Variants in HCK observed in about 807,000 individuals in gnomAD.
HCK encodes HCK proto-oncogene, Src family tyrosine kinase, also known as tyrosine-protein kinase HCK.
HCK carries 40 observed loss-of-function variants against 70.4 expected under a neutral mutation model. That is an observed-to-expected ratio of 0.57 (90% CI 0.44 to 0.74). The LOEUF (loss-of-function observed/expected upper bound fraction) is 0.74, where lower values mean the gene tolerates loss of function less well. HCK is among the 30% of genes least tolerant of loss of function. The pLI, the probability that HCK is intolerant of heterozygous loss-of-function variation, is 0.00. For missense variants in HCK, 568 were observed against 697.2 expected (o/e 0.81, Z 2.09); for synonymous variants, 245 against 263.2 (o/e 0.93, Z 0.67).
At chr20:32,054,928 A>C (rs1053000648) in intron 1 of HCK, among the ~76,000 whole-genome samples, 3 of 152,240 alleles carry the variant, frequency 2.0e-5, no homozygotes, top group African/African-American at 7.2e-5. Flanking sequence ...ACCCAGGATG[A>C]GAAATAGAAA....
intron 11 of HCK, among the ~76,000 whole-genome samples, chr20:32,094,777 GA>G (rs1600744866): frequency 9.7e-6 from 1 of 102,614 alleles, no homozygotes; most frequent in South Asian, 3.2e-4. Context: ...AAGAAAGAAA[GA>G]GAGAGAAAGA....
intron 2 of HCK, chr20:32,072,563 T>TAAAAAAAAAAAAAAA (rs199684278): frequency 9.5e-5 from 6 of 63,204 alleles, no homozygotes; most frequent in African/African-American, 2.9e-4. Flanking sequence ...CCTGTCTCTT[T>TAAAAAAAAAAAAAAA]AAAAAAAAAA....
intron 12 of HCK, among the ~76,000 whole-genome samples, chr20:32,099,350 C>CTTTTTTTTTTTTTTTTTTTTTTTTTTTT (rs71336559): frequency 2.3e-5 from 2 of 85,134 alleles, no homozygotes; most frequent in African/African-American, 1.3e-4. Flanking sequence ...ACTCCTATGA[C>CTTTTTTTTTTTTTTTTTTTTTTTTTTTT]TTTTTTTTTT....
intron 9 of HCK, among the ~76,000 whole-genome samples, chr20:32,087,759 A>G (rs1349184239): frequency 6.6e-6 from 1 of 151,942 alleles, no homozygotes; most frequent in Non-Finnish European, 1.5e-5. Context: ...CTCCTGCCTC[A>G]GCCTCCCAAG....
Position 32,073,798 on chromosome 20 carries a change from C to G in HCK, c.309C>G (p.Asp103Glu). Residue 103 changes from aspartate (D) to glutamate (E), a missense_variant, in exon 4 of 13, where the codon GAC becomes GAG. Around this residue, in one of 4 missense-constraint regions of HCK, gnomAD observed 318 missense variants for 336.0 expected, o/e 0.95. Coordinates refer to ENST00000375852, the MANE Select transcript of HCK (RefSeq NM_002110.5). ...AAGACCTCAGCTTCCAGAAGGGGGACCAGATGGTGGTCCTAGAGGAGTGAG... is the reference window on the plus strand; with the variant it reads ...AAGACCTCAGCTTCCAGAAGGGGGAGCAGATGGTGGTCCTAGAGGAGTGAG... 6.4e-7 allele frequency: 1 copy of G among 1,552,836 alleles called. No homozygotes were observed. The highest frequency in any genetic ancestry group is 8.7e-7 in the Non-Finnish European group (1 of 1,146,970).
intron 3 of HCK, 72 bp from the exon 4 acceptor site, chr20:32,073,644 C>T: frequency 9.9e-7 from 1 of 1,012,032 alleles, no homozygotes; most frequent in South Asian, 1.4e-5. Context: ...GTTCCAGGTG[C>T]CGGGTGAGGG....
chr20:32,088,726 T>A, intron 10 of HCK, 82 bp downstream of exon 10: 1 of 957,658 alleles, frequency 1.0e-6, no homozygotes, highest in Non-Finnish European at 1.7e-6. Context: ...CCACATACTA[T>A]GATGATAGCA....
Position 32,081,186 on chromosome 20 carries a change from G to A in HCK, c.532+1309G>A, listed in dbSNP as rs545081328. Among the ~76,000 whole-genome samples the A allele has an allele frequency of 3.3e-5, 5 of 152,266 alleles. No individual in the cohort carries two copies. In the South Asian group the frequency reaches 1.0e-3, roughly 32 times the overall value. On this transcript the variant is annotated intron_variant, in intron 6 of 12. Transcript: ENST00000375852. ...TAAGGAAATGAGGTAGGATGAGGTC[G>A]CCAGAAGAGACTCAAGCCAGCCTTC... is the stretch of plus-strand genomic sequence containing the variant.
chr20:32,066,840 C>T (rs1015231156), intron 1 of HCK, among the ~76,000 whole-genome samples: 2 of 152,112 alleles, frequency 1.3e-5, no homozygotes, highest in Non-Finnish European at 2.9e-5. Flanking sequence ...TCTTTCCCTT[C>T]TATATGGTGT....
chr20:32,094,757 GAAAGAAGGAAAGAAAGAA>G (rs1569009854), intron 11 of HCK, among the ~76,000 whole-genome samples: 2 of 124,526 alleles, frequency 1.6e-5, no homozygotes, highest in Non-Finnish European at 3.5e-5. Flanking sequence ...AAGAAAGAAA[GAAAGAAGGAAAGAAAGAA>G]AGAGAGAGAA....
At chr20:32,091,302 T>TGCGTGGTCCCAAGCAGGTCC in intron 10 of HCK, among the ~76,000 whole-genome samples, 1 of 152,322 alleles carries the variant, frequency 6.6e-6, no homozygotes, top group East Asian at 1.9e-4. Flanking sequence ...AAGTAACAGG[T>TGCGTGGTCCCAAGCAGGTCC]AAGTGCGTGG....
At chr20:32,062,574 G>A (rs985761039) in intron 1 of HCK, among the ~76,000 whole-genome samples, 1 of 152,174 alleles carries the variant, frequency 6.6e-6, no homozygotes, top group Admixed American at 6.5e-5. Flanking sequence ...GCTCGCCATC[G>A]TGTGAGCCAG....
intron 1 of HCK, among the ~76,000 whole-genome samples, chr20:32,071,165 C>T (rs2045532587): frequency 6.6e-6 from 1 of 152,168 alleles, no homozygotes; most frequent in African/African-American, 2.4e-5. Flanking sequence ...CTGAGCCTGA[C>T]ACTGCACTGA....
intron 1 of HCK, among the ~76,000 whole-genome samples, chr20:32,069,330 C>A (rs1223761821): frequency 6.6e-6 from 1 of 152,172 alleles, no homozygotes; most frequent in Non-Finnish European, 1.5e-5. Flanking sequence ...GTAAGTGAAG[C>A]ATACAAGGTG....
intron 5 of HCK, among the ~76,000 whole-genome samples, chr20:32,075,384 G>A (rs538054330): frequency 3.3e-5 from 5 of 151,802 alleles, no homozygotes; most frequent in Admixed American, 6.6e-5. Flanking sequence ...TGTATTTTTG[G>A]TAGAGAGGGG....
chr20:32,082,300 G>C (rs1286762188), intron 6 of HCK, among the ~76,000 whole-genome samples: 1 of 152,020 alleles, frequency 6.6e-6, no homozygotes, highest in East Asian at 1.9e-4. Context: ...CATCTACGCA[G>C]AGTGCTTTGA....
Position 32,074,647 on chromosome 20 carries a change from A to C in HCK, c.354A>C (p.Arg118=). The change falls in exon 5 of 13, where the codon CGA becomes CGC. Residue 118 remains arginine, a synonymous_variant. Transcript: ENST00000375852. ...GATCCGGGGAGTGGTGGAAGGCTCG[A>C]TCCCTGGCCACCCGGAAGGAGGGCT... The C allele has an allele frequency of 3.1e-6, 5 of 1,613,862 alleles. No individual in the cohort carries two copies. Among genetic ancestry groups the C allele is most frequent in the Non-Finnish European group, 4.2e-6 (5 of 1,179,818 alleles).
chr20:32,053,377 C>T (rs2045211356), intron 1 of HCK, among the ~76,000 whole-genome samples: 1 of 151,958 alleles, frequency 6.6e-6, no homozygotes, highest in African/African-American at 2.4e-5. Context: ...GTGGCACACG[C>T]CTGTAATCTC....
chr20:32,085,199 G>A (rs563106635), intron 8 of HCK, among the ~76,000 whole-genome samples: 2 of 152,200 alleles, frequency 1.3e-5, no homozygotes, highest in African/African-American at 2.4e-5. Context: ...CATGTATTTC[G>A]ACTGTATTTA....
Sources: allele counts gnomAD v4.1 joint callset (sites outside exome capture counted in the v4.1 genomes callset), GRCh38; gene constraint gnomAD v4.1.1; regional missense constraint gnomAD v4.1.1; transcripts MANE v1.5; gene names NCBI Gene and HGNC (gene_info 2026-07-23, HGNC 2026-07-21).